Variants in AXIN1 observed in about 807,000 individuals in gnomAD.
AXIN1 encodes the protein axin 1.
A neutral mutation model predicts 76.4 loss-of-function variants in AXIN1; 30 were observed. The ratio of observed to expected loss-of-function variants is 0.39; its 90% confidence interval spans 0.29 to 0.53. The LOEUF (loss-of-function observed/expected upper bound fraction) is 0.53, where lower values mean the gene tolerates loss of function less well. Ranked by LOEUF, AXIN1 falls within the 20% of genes least tolerant of loss-of-function variation. The pLI is 0.66. For synonymous variants in AXIN1, 545 were observed against 501.4 expected (o/e 1.09, Z -1.16); for missense variants, 1,140 against 1,198.8 (o/e 0.95, Z 0.72).
rs769686933 is a variant in AXIN1, at chr16:309,963, C to T, written c.1116+10G>A. 16 of 1,612,764 alleles carry T rather than the reference C, an allele frequency of 9.9e-6. No homozygotes were observed. Among genetic ancestry groups the T allele is most frequent in the African/African-American group, 8.0e-5 (6 of 74,928 alleles). On this transcript the variant is annotated intron_variant, in intron 4 of 10. Coordinates refer to ENST00000262320, the MANE Select transcript of AXIN1 (RefSeq NM_003502.4). Reference sequence around the variant, plus strand: ...GACGATGGGCTGAGGACCGCAAAGCCGGTACTTACGGGAATGTGAGGTAGG... The same window carrying T: ...GACGATGGGCTGAGGACCGCAAAGCTGGTACTTACGGGAATGTGAGGTAGG...
Position 320,669 on chromosome 16 carries a change from A to T in AXIN1, c.879-5986T>A, listed in dbSNP as rs11644503. On this transcript the variant is annotated intron_variant, in intron 2 of 10. Transcript: ENST00000262320. ...AAAACAAATATATATGTATATATGT[A>T]AATGTATATATGTGTGTATATATGT... Among the ~76,000 whole-genome samples the T allele has an allele frequency of 3.6e-4, 54 of 150,438 alleles. 1 individual carries two copies. Among genetic ancestry groups the T allele is most frequent in the Admixed American group, 1.3e-3 (19 of 15,084 alleles).
rs754089481 is a variant in AXIN1 at position 320,723 on chromosome 16, GTATATA to G, written c.879-6046_879-6041del. On this transcript the variant is annotated intron_variant, in intron 2 of 10. Coordinates refer to ENST00000262320, the MANE Select transcript of AXIN1 (RefSeq NM_003502.4). ...TATGCATACGTATATGCGTGTGTGT[GTATATA>G]TATATATATATATATTTTTTTTTTT... 9.8e-4 allele frequency among the ~76,000 whole-genome samples: 118 copies of G among 120,028 alleles called. 2 individuals carry two copies. Among genetic ancestry groups the G allele is most frequent in the South Asian group, 2.2e-3 (9 of 4,156 alleles). The allele number at this position is 120,028 out of a possible 152,430, so 78.7% of individuals were successfully genotyped here. A position where few individuals can be genotyped will look rare whatever the true frequency, so the allele number is the denominator to read the frequency against.
intron 4 of AXIN1, 23 bp downstream of exon 4, chr16:309,950 A>T (rs1248682163): frequency 6.2e-7 from 1 of 1,610,294 alleles, no homozygotes; most frequent in Non-Finnish European, 8.5e-7. Context: ...CGATGGGCTG[A>T]GGACCGCAAA....
intron 2 of AXIN1, among the ~76,000 whole-genome samples, chr16:327,695 A>G (rs1045153168): frequency 1.2e-4 from 18 of 152,252 alleles, no homozygotes; most frequent in Non-Finnish European, 1.5e-4. Flanking sequence ...GCCCCTCACC[A>G]GCACTTACTG....
At chr16:347,733 C>G (rs923640620) in intron 1 of AXIN1, among the ~76,000 whole-genome samples, 1 of 152,194 alleles carries the variant, frequency 6.6e-6, no homozygotes, top group Non-Finnish European at 1.5e-5. Flanking sequence ...ACTCTCAACA[C>G]ACGCCTCAAA....
In AXIN1 at chr16:298,095, G is replaced by GGA; in HGVS notation, c.1409_1410dup (p.Leu471SerfsTer10). ...AGCACACGCTGTACGTGCTCGTCCA[G>GGA]GATGCTCTCAGGGTTCTCCTCGTGT... On this transcript the variant is annotated frameshift_variant, in exon 6 of 11. Coordinates refer to ENST00000262320, the MANE Select transcript of AXIN1 (RefSeq NM_003502.4). LOFTEE classifies it high-confidence loss of function. The GGA allele has an allele frequency of 6.4e-7, 1 of 1,551,392 alleles. No homozygotes were observed. Among genetic ancestry groups the GGA allele is most frequent in the Non-Finnish European group, 8.7e-7 (1 of 1,151,998 alleles).
rs149264249 is a variant in AXIN1, at chr16:317,586, G to A, written c.879-2903C>T. Among the ~76,000 whole-genome samples, 3 of 152,294 alleles carry A rather than the reference G, an allele frequency of 2.0e-5. No individual in the cohort carries two copies. In the East Asian group the frequency reaches 5.8e-4, roughly 29 times the overall value. On this transcript the variant is annotated intron_variant, in intron 2 of 10. Transcript: ENST00000262320. The stretch of plus-strand genomic sequence containing the variant: ...TCAGGCTGACAGCAACCATGGGGCC[G>A]CTCTTGGGAAATGGGTTCTCTGGAA...
chr16:305,813 G>C (rs994630530), intron 4 of AXIN1, among the ~76,000 whole-genome samples: 1 of 152,066 alleles, frequency 6.6e-6, no homozygotes, highest in African/African-American at 2.4e-5. Context: ...CAAAGTGCTG[G>C]GATTACAGGC....
chr16:330,707 G>C (rs2053675734), intron 2 of AXIN1, among the ~76,000 whole-genome samples: 1 of 152,178 alleles, frequency 6.6e-6, no homozygotes, highest in Non-Finnish European at 1.5e-5. Flanking sequence ...ATGAAGAGTG[G>C]TAACATTTAA....
intron 5 of AXIN1, among the ~76,000 whole-genome samples, chr16:301,040 G>A (rs1206941743): frequency 3.3e-5 from 5 of 152,160 alleles, no homozygotes; most frequent in African/African-American, 1.2e-4. Flanking sequence ...GGAGGCCGAG[G>A]CGGGTGGATC....
chr16:352,019 C>G (rs1472777714), intron 1 of AXIN1, among the ~76,000 whole-genome samples: 1 of 152,166 alleles, frequency 6.6e-6, no homozygotes, highest in African/African-American at 2.4e-5. Flanking sequence ...GACCCGGACC[C>G]GGCACGCGGC....
At position 323,488 on chromosome 16, in the gene AXIN1, C is replaced by A. The variant is rs974957529; in HGVS notation, c.879-8805G>T. On this transcript the variant is annotated intron_variant, in intron 2 of 10. Coordinates refer to ENST00000262320, the MANE Select transcript of AXIN1 (RefSeq NM_003502.4). ...AAAGCCAAAATAAGATTAAAAAAAA[C>A]AAAACAAAACAGGCGGGGCACGGTG... Among the ~76,000 whole-genome samples the A allele has an allele frequency of 7.1e-5, 10 of 141,482 alleles. No homozygotes were observed. The East Asian group carries it at 1.7e-3, about 24-fold the overall frequency. 92.8% of individuals were successfully genotyped at this position (141,482 alleles called of 152,430 possible).
chr16:322,824 C>A (rs1218706434), intron 2 of AXIN1, among the ~76,000 whole-genome samples: 1 of 152,216 alleles, frequency 6.6e-6, no homozygotes, highest in Non-Finnish European at 1.5e-5. Flanking sequence ...AGAAGCAACA[C>A]AGGCAGAAAA....
chr16:339,196 CA>C (rs1002630324), intron 2 of AXIN1, among the ~76,000 whole-genome samples: 4,041 of 34,696 alleles, frequency 0.12, 23 homozygotes, highest in Non-Finnish European at 0.13. Context: ...AGCCTGGTCT[CA>C]AAAAAAAAAA....
Position 328,470 on chromosome 16 carries a change from C to T in AXIN1, c.879-13787G>A, listed in dbSNP as rs191641073. 3.0e-3 allele frequency among the ~76,000 whole-genome samples: 454 copies of T among 151,344 alleles called. 1 individual carries two copies. Among genetic ancestry groups the T allele is most frequent in the African/African-American group, 0.01 (426 of 41,232 alleles). The stretch of plus-strand genomic sequence containing the variant: ...CAATACTTTGGGAGGCCGCGGCGGG[C>T]GGATCACCTGAGGTTGGGAGTTCGC... On this transcript the variant is annotated intron_variant, in intron 2 of 10. Coordinates refer to ENST00000262320, the MANE Select transcript of AXIN1 (RefSeq NM_003502.4).
intron 2 of AXIN1, among the ~76,000 whole-genome samples, chr16:327,166 C>G (rs1304134726): frequency 6.6e-6 from 1 of 151,786 alleles, no homozygotes; most frequent in East Asian, 1.9e-4. Flanking sequence ...TGCCAGCACC[C>G]CCATCAGGTC....
At chr16:332,971 G>C (rs996540684) in intron 2 of AXIN1, among the ~76,000 whole-genome samples, 2 of 152,150 alleles carry the variant, frequency 1.3e-5, no homozygotes, top group Admixed American at 6.5e-5. Context: ...GAGTGCTCAA[G>C]GCCTGGAGCT....
intron 5 of AXIN1, chr16:299,106 C>A: frequency 2.0e-6 from 2 of 985,400 alleles, no homozygotes; most frequent in Non-Finnish European, 2.4e-6. Flanking sequence ...CAGAACGGCT[C>A]TTGGGTTATG....
chr16:304,558 A>G, intron 4 of AXIN1, 117 bp from the exon 5 acceptor site: 1 of 1,472,956 alleles, frequency 6.8e-7, no homozygotes, highest in South Asian at 1.2e-5. Context: ...TTTTTGAGAC[A>G]AACTCTTGCT....
Sources: gnomAD v4.1 joint callset for allele counts (sites outside exome capture counted in the v4.1 genomes callset) on GRCh38, gnomAD v4.1.1 for gene constraint, MANE v1.5 for transcripts, NCBI Gene and HGNC (gene_info 2026-07-23, HGNC 2026-07-21) for gene names.